AHCYL2: variants seen among roughly 807,000 people sequenced by gnomAD.
The protein encoded by AHCYL2 is S-adenosylhomocysteine hydrolase-like protein 2.
A neutral mutation model predicts 81.4 loss-of-function variants in AHCYL2; 28 were observed. The ratio of observed to expected loss-of-function variants is 0.34; its 90% CI spans 0.25 to 0.47. The LOEUF is 0.47. AHCYL2 is among the 20% of genes least tolerant of loss of function. AHCYL2 has a pLI of 1.00. For synonymous variants in AHCYL2, 272 were observed against 290.2 expected (o/e 0.94, Z 0.64); for missense variants, 551 against 785.1 (o/e 0.70, Z 3.56).
intron 1 of AHCYL2, among the ~76,000 whole-genome samples, chr7:129,359,269 A>G (rs1318642528): frequency 2.0e-5 from 3 of 152,232 alleles, no homozygotes; most frequent in Non-Finnish European, 4.4e-5. Flanking sequence ...TATGATGTTT[A>G]TATCAGGTTC....
chr7:129,299,864 A>G (rs541204727), intron 1 of AHCYL2, among the ~76,000 whole-genome samples: 3 of 152,350 alleles, frequency 2.0e-5, no homozygotes, highest in African/African-American at 4.8e-5. Flanking sequence ...GTTTGATTAT[A>G]TACCCACGGT....
intron 1 of AHCYL2, among the ~76,000 whole-genome samples, chr7:129,305,288 C>T (rs557054083): frequency 4.3e-4 from 66 of 152,172 alleles, no homozygotes; most frequent in African/African-American, 1.3e-3. Context: ...GGTGAAACCC[C>T]GTCTCTACTA....
intron 12 of AHCYL2, among the ~76,000 whole-genome samples, chr7:129,420,361 C>CA (rs1463432177): frequency 1.3e-5 from 2 of 152,122 alleles, no homozygotes; most frequent in Non-Finnish European, 2.9e-5. Flanking sequence ...CCATTGTCAC[C>CA]AAGAGTATCT....
intron 1 of AHCYL2, among the ~76,000 whole-genome samples, chr7:129,279,064 G>A (rs1409692320): frequency 6.6e-6 from 1 of 152,058 alleles, no homozygotes; most frequent in Non-Finnish European, 1.5e-5. Context: ...ACATTTCCAT[G>A]TGAATTTTAG....
At chr7:129,309,789 C>T (rs572637228) in intron 1 of AHCYL2, among the ~76,000 whole-genome samples, 2 of 152,114 alleles carry the variant, frequency 1.3e-5, no homozygotes, top group Admixed American at 6.5e-5. Context: ...TTCTCTTTAC[C>T]AGTCACCATT....
chr7:129,337,076 T>C (rs1259607266), intron 1 of AHCYL2, among the ~76,000 whole-genome samples: 1 of 152,136 alleles, frequency 6.6e-6, no homozygotes, highest in Non-Finnish European at 1.5e-5. Flanking sequence ...TTATTTATAT[T>C]CGAATAGCTA....
chr7:129,412,656 C>T lies in AHCYL2; in HGVS notation c.1367-938C>T, dbSNP rs146489416. Among the ~76,000 whole-genome samples, 321 of 152,232 alleles carry T rather than the reference C, an allele frequency of 2.1e-3. 1 individual carries two copies. Among genetic ancestry groups the T allele is most frequent in the Middle Eastern group, 0.01 (3 of 292 alleles). ...CAATACATGTGCCTTCTAATTTCTC[C>T]ATATCTTCACCAACACTTGTTATTG... is the stretch of plus-strand genomic sequence containing the variant. On this transcript the variant is annotated intron_variant, in intron 11 of 16. Transcript: ENST00000325006.
At chr7:129,373,138 C>T (rs1000577930) in intron 1 of AHCYL2, among the ~76,000 whole-genome samples, 3 of 152,052 alleles carry the variant, frequency 2.0e-5, no homozygotes, top group African/African-American at 7.2e-5. Context: ...AAATCTTGGG[C>T]CCTCTCCAGA....
At chr7:129,302,909 A>G (rs1182950016) in intron 1 of AHCYL2, among the ~76,000 whole-genome samples, 1 of 151,978 alleles carries the variant, frequency 6.6e-6, no homozygotes, top group Non-Finnish European at 1.5e-5. Context: ...ATTTTTTGGA[A>G]TTGTTTGAGT....
intron 1 of AHCYL2, among the ~76,000 whole-genome samples, chr7:129,330,820 G>T (rs1270835107): frequency 6.6e-6 from 1 of 152,184 alleles, no homozygotes; most frequent in East Asian, 1.9e-4. Flanking sequence ...GATGGTGTAT[G>T]ACCATATTTG....
chr7:129,370,494 C>G (rs560127852), intron 1 of AHCYL2, among the ~76,000 whole-genome samples: 26 of 152,164 alleles, frequency 1.7e-4, no homozygotes, highest in Admixed American at 8.5e-4. Context: ...GTCAGGAGAT[C>G]AAGATCATCC....
intron 1 of AHCYL2, among the ~76,000 whole-genome samples, chr7:129,299,270 C>T: frequency 7.8e-6 from 1 of 127,860 alleles, no homozygotes. Flanking sequence ...TAGCAAGTCC[C>T]CTCCTCTACC....
chr7:129,225,854 C>G (rs1171798644), intron 1 of AHCYL2, among the ~76,000 whole-genome samples: 1 of 152,188 alleles, frequency 6.6e-6, no homozygotes, highest in Non-Finnish European at 1.5e-5. Context: ...ATCTTTAATA[C>G]TTGGAGAACG....
At chr7:129,366,392 C>T (rs540398576) in intron 1 of AHCYL2, among the ~76,000 whole-genome samples, 2 of 152,316 alleles carry the variant, frequency 1.3e-5, no homozygotes, top group East Asian at 3.9e-4. Context: ...CATTCCAAAT[C>T]CAAAGGACCA....
intron 1 of AHCYL2, among the ~76,000 whole-genome samples, chr7:129,364,279 A>AT (rs959267285): frequency 9.9e-5 from 15 of 151,928 alleles, no homozygotes; most frequent in African/African-American, 3.1e-4. Flanking sequence ...CCTTAAAAAC[A>AT]TTTTTTTTAA....
intron 1 of AHCYL2, among the ~76,000 whole-genome samples, chr7:129,372,826 A>C (rs1399933809): frequency 6.6e-6 from 1 of 152,166 alleles, no homozygotes; most frequent in Non-Finnish European, 1.5e-5. Context: ...CCCAAAAAAA[A>C]GAAAGAAAAG....
chr7:129,250,127 T>C (rs1217201286), intron 1 of AHCYL2, among the ~76,000 whole-genome samples: 2 of 152,062 alleles, frequency 1.3e-5, no homozygotes, highest in African/African-American at 4.8e-5. Flanking sequence ...TTAGCAAGAA[T>C]CCATCTCTTC....
At chr7:129,297,402 C>T (rs866073808) in intron 1 of AHCYL2, among the ~76,000 whole-genome samples, 4 of 152,072 alleles carry the variant, frequency 2.6e-5, no homozygotes, top group African/African-American at 9.7e-5. Context: ...AAGGGAGAAG[C>T]GACTGTTGGG....
chr7:129,366,131 A>G (rs1430099122), intron 1 of AHCYL2, among the ~76,000 whole-genome samples: 3 of 152,116 alleles, frequency 2.0e-5, no homozygotes, highest in African/African-American at 7.2e-5. Flanking sequence ...CTGTGTCCTG[A>G]CATCACTCAA....
Sources: gnomAD v4.1 joint callset for allele counts (sites outside exome capture counted in the v4.1 genomes callset) on GRCh38, gnomAD v4.1.1 for gene constraint, MANE v1.5 for transcripts, NCBI Gene and HGNC (gene_info 2026-07-23, HGNC 2026-07-21) for gene names.